Variants in HELQ observed in about 807,000 individuals in gnomAD.
HELQ encodes helicase, POLQ like.
A neutral mutation model predicts 111.6 loss-of-function variants in HELQ; 77 were observed. The ratio of observed to expected loss-of-function variants is 0.69; its 90% CI spans 0.57 to 0.83. HELQ has a LOEUF of 0.83. Among genes scored for constraint, HELQ ranks in the 40% least tolerant of loss-of-function variants. HELQ has a pLI of 0.00. For missense variants in HELQ, 1,200 were observed against 1,288.5 expected (o/e 0.93, Z 1.05); for synonymous variants, 438 against 454.7 (o/e 0.96, Z 0.47).
Position 83,455,805 on chromosome 4 carries a change from A to C in HELQ, c.-112T>G, listed in dbSNP as rs955014675. ...CCGCTTCTACATCCACCTTGGGAAA[A>C]GACCCCAAGTTAGCTCTCAGGGCTC... On this transcript the variant is annotated 5_prime_UTR_variant, in exon 1 of 18. Coordinates refer to ENST00000295488, the MANE Select transcript of HELQ (RefSeq NM_133636.5). 5 of 1,093,102 alleles carry C rather than the reference A, an allele frequency of 4.6e-6. No homozygotes were observed. The highest frequency in any genetic ancestry group is 6.6e-6 in the Non-Finnish European group (5 of 753,470). 67.7% of individuals were successfully genotyped at this position (1,093,102 alleles called of 1,614,324 possible).
chr4:83,438,748 GAAA>G (rs200715200), intron 8 of HELQ, among the ~76,000 whole-genome samples: 70 of 104,244 alleles, frequency 6.7e-4, no homozygotes, highest in East Asian at 1.5e-3. Flanking sequence ...CCTGTCTCAG[GAAA>G]AAAAAAAAAA....
At position 83,453,299 on chromosome 4, in the gene HELQ, G is replaced by C; in HGVS notation, c.944C>G (p.Pro315Arg). 1 of 1,613,726 alleles carries C rather than the reference G, an allele frequency of 6.2e-7. No homozygotes were observed. Among genetic ancestry groups the C allele is most frequent in the Non-Finnish European group, 8.5e-7 (1 of 1,179,764 alleles). ...CACTTTGCTGGGTAATGAATAAAAA[G>C]GACCAAGGTCATTTGATGATGACTC... ...TVESSSNDLG[P>R]FYSLPSKVRD... The change falls in exon 2 of 18, where the codon CCT becomes CGT. Residue 315 changes from proline (P) to arginine (R), a missense_variant. Pro to Arg is a moderately radical substitution (Grantham distance 103). Around this residue, in one of 3 missense-constraint regions of HELQ, gnomAD observed 610 missense variants for 607.1 expected, o/e 1.00. Coordinates refer to ENST00000295488, the MANE Select transcript of HELQ (RefSeq NM_133636.5).
At chr4:83,444,007 T>C (rs972737262) in intron 5 of HELQ, among the ~76,000 whole-genome samples, 2 of 152,180 alleles carry the variant, frequency 1.3e-5, no homozygotes, top group Non-Finnish European at 2.9e-5. Flanking sequence ...ATTGTGTCAC[T>C]GCACTGCAGC....
intron 3 of HELQ, 112 bp downstream of exon 3, chr4:83,448,669 CAA>C (rs34960937): frequency 9.5e-3 from 6,311 of 661,896 alleles, no homozygotes; most frequent in South Asian, 0.016. Flanking sequence ...GACTCCATCT[CAA>C]AAAAAAAAAA....
chr4:83,445,940 A>G, intron 5 of HELQ, 74 bp downstream of exon 5: 3 of 935,348 alleles, frequency 3.2e-6, no homozygotes, highest in Non-Finnish European at 5.2e-6. Context: ...TACTGTAGCT[A>G]GTGATAGAAT....
chr4:83,420,937 G>A (rs1739647715), intron 15 of HELQ, among the ~76,000 whole-genome samples: 1 of 151,938 alleles, frequency 6.6e-6, no homozygotes, highest in Non-Finnish European at 1.5e-5. Context: ...GACCCAAGTA[G>A]CTGGGACCAC....
intron 14 of HELQ, among the ~76,000 whole-genome samples, chr4:83,421,975 C>T (rs1406817690): frequency 6.6e-6 from 1 of 152,106 alleles, no homozygotes; most frequent in Non-Finnish European, 1.5e-5. Flanking sequence ...AATCCCAGCA[C>T]TTTGGGAGGC....
rs536048072 is a variant in HELQ, at chr4:83,410,492, T to A, written c.3199-2932A>T. 6.3e-4 allele frequency among the ~76,000 whole-genome samples: 96 copies of A among 151,448 alleles called. 1 individual carries two copies. The highest frequency in any genetic ancestry group is 1.7e-3 in the Admixed American group (26 of 15,256). ...TAATTTAACAATTCTGCAGTTACTT[T>A]CAGTGCATTCTAAGATTGAGGAAAA... is the stretch of plus-strand genomic sequence containing the variant. On this transcript the variant is annotated intron_variant, in intron 17 of 17. Coordinates refer to ENST00000295488, the MANE Select transcript of HELQ (RefSeq NM_133636.5).
In HELQ at chr4:83,446,115, GAAGT is replaced by G. The variant is rs1177342198; in HGVS notation, c.1393-33_1393-30del. On this transcript the variant is annotated intron_variant, in intron 4 of 17. Transcript: ENST00000295488. ...CGAGATTTTTTTTAAAAAGGACAGA[GAAGT>G]AAATCTTCATATAGTGCTCATATAA... The G allele has an allele frequency of 4.6e-6, 7 of 1,517,064 alleles. No individual in the cohort carries two copies. In the Admixed American group the frequency reaches 1.0e-4, roughly 22 times the overall value. The allele number at this position is 1,517,064 out of a possible 1,614,324, so 94.0% of individuals were successfully genotyped here. A position where few individuals can be genotyped will look rare whatever the true frequency, so the allele number is the denominator to read the frequency against.
intron 12 of HELQ, among the ~76,000 whole-genome samples, chr4:83,428,465 G>A (rs1479291268): frequency 6.6e-6 from 1 of 152,150 alleles, no homozygotes; most frequent in African/African-American, 2.4e-5. Context: ...CGGGGCTGAG[G>A]TGGGAGAATC....
At position 83,437,094 on chromosome 4, in the gene HELQ, T is replaced by TTC. The variant is rs1720499902; in HGVS notation, c.1810_1811dup (p.Tyr605AsnfsTer3). On this transcript the variant is annotated frameshift_variant, in exon 9 of 18. Transcript: ENST00000295488. LOFTEE classifies it high-confidence loss of function. ...TTTCTTTCTCCTTATGTTTCAGATA[T>TTC]TCCCTATGAAAAAGATCTGTTAGAA... is the stretch of plus-strand genomic sequence containing the variant. The TTC allele has an allele frequency of 6.2e-7, 1 of 1,612,558 alleles. No individual in the cohort carries two copies.
At chr4:83,425,859 G>C (rs72944450) in intron 14 of HELQ, 135 bp downstream of exon 14, 15 of 562,096 alleles carry the variant, frequency 2.7e-5, no homozygotes, top group Middle Eastern at 5.6e-4. Flanking sequence ...TAAAATGAAC[G>C]TTATACTAAT....
intron 15 of HELQ, among the ~76,000 whole-genome samples, chr4:83,421,276 A>T (rs1316121030): frequency 6.6e-6 from 1 of 152,222 alleles, no homozygotes; most frequent in Non-Finnish European, 1.5e-5. Context: ...AATTCTGAAT[A>T]CCTGAAACTA....
intron 12 of HELQ, among the ~76,000 whole-genome samples, chr4:83,428,375 C>T (rs546485642): frequency 6.6e-5 from 10 of 151,508 alleles, no homozygotes; most frequent in Non-Finnish European, 1.3e-4. Context: ...AGCCTGGGCA[C>T]CATCGTGAAA....
At position 83,443,489 on chromosome 4, in the gene HELQ, C is replaced by A. The variant is rs1375656693; in HGVS notation, c.1563+28G>T. ...TAAGTTAGATGAATACGAAACAAAT[C>A]AATACAGTGCAAACCTTAGGTACAT... On this transcript the variant is annotated intron_variant, in intron 6 of 17. Transcript: ENST00000295488. The A allele has an allele frequency of 3.9e-6, 4 of 1,015,642 alleles. 1 individual carries two copies. The highest frequency in any genetic ancestry group is 2.3e-5 in the Admixed American group (1 of 43,780). The allele number at this position is 1,015,642 out of a possible 1,614,324, so 62.9% of individuals were successfully genotyped here.
chr4:83,413,210 G>A (rs550638012), intron 17 of HELQ, among the ~76,000 whole-genome samples: 116 of 152,090 alleles, frequency 7.6e-4, no homozygotes, highest in Non-Finnish European at 1.5e-3. Context: ...CCTGAGTTTC[G>A]TGAGCTGACT....
intron 16 of HELQ, among the ~76,000 whole-genome samples, chr4:83,417,078 C>G (rs72944435): frequency 0.075 from 11,373 of 152,166 alleles, 1,443 homozygotes; most frequent in African/African-American, 0.26. Context: ...TTCTATGCAG[C>G]TTGAGTCAAC....
At chr4:83,439,319 C>A (rs1720642550) in intron 8 of HELQ, among the ~76,000 whole-genome samples, 1 of 150,946 alleles carries the variant, frequency 6.6e-6, no homozygotes, top group Non-Finnish European at 1.5e-5. Flanking sequence ...CACACCTTGG[C>A]TTCCCAAAGT....
rs1295101940 is a variant in HELQ at position 83,446,043 on chromosome 4, A to G, written c.1436T>C (p.Met479Thr). ...GEGSRGATLEMTLAKILYTSK... is the reference protein window; with the variant it reads ...GEGSRGATLETTLAKILYTSK... ...AGTGTAGAGGATTTTTGCTAGGGTC[A>G]TTTCCAGTGTAGCTCCACGGCTTCC... The change falls in exon 5 of 18, where the codon ATG becomes ACG. Residue 479 changes from methionine to threonine, a missense_variant. Physicochemically the swap from Met to Thr is moderately conservative, Grantham distance 81 (BLOSUM62 -1). Coordinates refer to ENST00000295488, the MANE Select transcript of HELQ (RefSeq NM_133636.5). 3 of 1,613,308 alleles carry G rather than the reference A, an allele frequency of 1.9e-6. No homozygotes were observed. The highest frequency in any genetic ancestry group is 2.2e-5 in the East Asian group (1 of 44,862).
Sources: gnomAD v4.1 joint callset for allele counts (sites outside exome capture counted in the v4.1 genomes callset) on GRCh38, gnomAD v4.1.1 for gene constraint, gnomAD v4.1.1 regional missense constraint, MANE v1.5 for transcripts, NCBI Gene and HGNC (gene_info 2026-07-23, HGNC 2026-07-21) for gene names.